LRMDA: variants seen among roughly 807,000 people sequenced by gnomAD.
LRMDA encodes leucine rich melanocyte differentiation associated, also known as leucine-rich melanocyte differentiation-associated protein.
Under a neutral mutation model 29.8 loss-of-function variants are expected in LRMDA, and 18 were observed. That is an observed-to-expected ratio of 0.60 (90% CI 0.42 to 0.90). LRMDA has a LOEUF of 0.90. Among genes scored for constraint, LRMDA ranks in the 40% least tolerant of loss-of-function variants. LRMDA has a pLI of 0.00. For missense variants in LRMDA, 273 were observed against 273.9 expected (o/e 1.00, Z 0.02); for synonymous variants, 125 against 109.4 (o/e 1.14, Z -0.89).
intron 2 of LRMDA, among the ~76,000 whole-genome samples, chr10:75,660,936 G>A (rs971832905): frequency 1.3e-5 from 2 of 152,158 alleles, no homozygotes; most frequent in African/African-American, 4.8e-5. Context: ...GCTCTGTCTT[G>A]AACTCAGAAG....
rs184544198 is a variant in LRMDA, at chr10:75,860,021, A to G, written c.132-175987A>G. Among the ~76,000 whole-genome samples, 1,078 of 152,308 alleles carry G rather than the reference A, an allele frequency of 7.1e-3. 3 individuals carry two copies. Among genetic ancestry groups the G allele is most frequent in the Non-Finnish European group, 0.012 (806 of 68,034 alleles). ...GTCATTTTGCTAAGTATTTTGAAATACTGTTTTTGTTACATATAAAATTTC... is the reference window on the plus strand; with the variant it reads ...GTCATTTTGCTAAGTATTTTGAAATGCTGTTTTTGTTACATATAAAATTTC... On this transcript the variant is annotated intron_variant, in intron 2 of 6. Coordinates refer to ENST00000611255, the MANE Select transcript of LRMDA (RefSeq NM_001305581.2).
chr10:76,476,797 C>T (rs1048904626), intron 6 of LRMDA, among the ~76,000 whole-genome samples: 1 of 151,906 alleles, frequency 6.6e-6, no homozygotes, highest in Non-Finnish European at 1.5e-5. Flanking sequence ...CAAAGACAAA[C>T]ACCACATGAT....
At chr10:75,499,412 G>GGCTTC (rs1845086530) in intron 2 of LRMDA, among the ~76,000 whole-genome samples, 1 of 152,168 alleles carries the variant, frequency 6.6e-6, no homozygotes, top group Admixed American at 6.6e-5. Flanking sequence ...GTGAGGGTCT[G>GGCTTC]GCTTCGTACT....
chr10:76,449,049 GT>G (rs1413059203), intron 6 of LRMDA, among the ~76,000 whole-genome samples: 3 of 151,738 alleles, frequency 2.0e-5, no homozygotes, highest in Non-Finnish European at 4.4e-5. Context: ...TGAGAATACA[GT>G]TTTTTTCTTT....
rs183094694 is a variant in LRMDA, at chr10:76,234,330, C to T, written c.517-90071C>T. 5.1e-4 allele frequency among the ~76,000 whole-genome samples: 78 copies of T among 152,232 alleles called. 2 individuals carry two copies. The highest frequency in any genetic ancestry group is 3.0e-3 in the Admixed American group (46 of 15,288). The stretch of plus-strand genomic sequence containing the variant: ...ATATTTAAGTAAATCATGCTGTGAA[C>T]GGATGTGCTGTCATCCAGGCTTTGT... On this transcript the variant is annotated intron_variant, in intron 5 of 6. Coordinates refer to ENST00000611255, the MANE Select transcript of LRMDA (RefSeq NM_001305581.2).
At chr10:75,713,577 T>A (rs1842463388) in intron 2 of LRMDA, among the ~76,000 whole-genome samples, 1 of 152,228 alleles carries the variant, frequency 6.6e-6, no homozygotes, top group African/African-American at 2.4e-5. Context: ...CAAGAATTGT[T>A]TGAAAAATGA....
At chr10:75,455,920 T>G (rs1391001740) in intron 2 of LRMDA, among the ~76,000 whole-genome samples, 2 of 152,128 alleles carry the variant, frequency 1.3e-5, no homozygotes, top group African/African-American at 2.4e-5. Context: ...GTAGGAATGG[T>G]GAGAACCTGA....
At chr10:75,741,244 A>T (rs1842825541) in intron 2 of LRMDA, among the ~76,000 whole-genome samples, 1 of 152,174 alleles carries the variant, frequency 6.6e-6, no homozygotes, top group South Asian at 2.1e-4. Flanking sequence ...TCATGTCGTT[A>T]GCAGAATGCA....
chr10:76,361,008 C>A (rs1841304152), intron 6 of LRMDA, among the ~76,000 whole-genome samples: 1 of 152,152 alleles, frequency 6.6e-6, no homozygotes, highest in African/African-American at 2.4e-5. Context: ...TGCCTGTAAT[C>A]TGAGCACTTT....
chr10:76,463,705 C>G (rs1842535243), intron 6 of LRMDA, among the ~76,000 whole-genome samples: 1 of 152,134 alleles, frequency 6.6e-6, no homozygotes, highest in South Asian at 2.1e-4. Flanking sequence ...GCTGCAGATT[C>G]ACTCAGTCTC....
chr10:75,544,690 G>A (rs919602446), intron 2 of LRMDA, among the ~76,000 whole-genome samples: 2 of 146,898 alleles, frequency 1.4e-5, no homozygotes, highest in Admixed American at 1.4e-4. Context: ...AAACTTTCTT[G>A]TTTTTTTTTT....
intron 6 of LRMDA, among the ~76,000 whole-genome samples, chr10:76,515,902 C>A (rs144099383): frequency 4.9e-4 from 74 of 152,222 alleles, no homozygotes; most frequent in African/African-American, 1.6e-3. Flanking sequence ...CAGGAGAAAA[C>A]TTAAGAAAAA....
At chr10:75,519,922 T>G (rs935666536) in intron 2 of LRMDA, among the ~76,000 whole-genome samples, 1 of 152,222 alleles carries the variant, frequency 6.6e-6, no homozygotes, top group Non-Finnish European at 1.5e-5. Context: ...GGATTTTATT[T>G]CTCCTTCACT....
In LRMDA at chr10:75,788,317, T is replaced by C. The variant is rs138034380; in HGVS notation, c.132-247691T>C. ...CTGAGGTCAACAGAGACAAGGCTTC[T>C]CCTGTCTTTCTGTATCAACATCTTT... On this transcript the variant is annotated intron_variant, in intron 2 of 6. Coordinates refer to ENST00000611255, the MANE Select transcript of LRMDA (RefSeq NM_001305581.2). 7.4e-3 allele frequency among the ~76,000 whole-genome samples: 1,121 copies of C among 152,364 alleles called. 48 individuals carry two copies. Among genetic ancestry groups the C allele is most frequent in the East Asian group, 0.046 (239 of 5,184 alleles).
intron 5 of LRMDA, among the ~76,000 whole-genome samples, chr10:76,293,158 T>C (rs578213287): frequency 1.3e-5 from 2 of 152,272 alleles, no homozygotes; most frequent in African/African-American, 4.8e-5. Flanking sequence ...TTTTTGTGTT[T>C]TTAGTAAAGT....
rs536639398 is a variant in LRMDA, at chr10:76,124,331, A to G, written c.516+65548A>G. Among the ~76,000 whole-genome samples, 12 of 152,322 alleles carry G rather than the reference A, an allele frequency of 7.9e-5. 1 individual carries two copies. Among genetic ancestry groups the G allele is most frequent in the African/African-American group, 2.9e-4 (12 of 41,566 alleles). The stretch of plus-strand genomic sequence containing the variant: ...CCTTCACTTTGACACCATCTGTGTC[A>G]GTGTTTTGATAACAGTCCTTGCCAA... On this transcript the variant is annotated intron_variant, in intron 5 of 6. Coordinates refer to ENST00000611255, the MANE Select transcript of LRMDA (RefSeq NM_001305581.2).
intron 2 of LRMDA, among the ~76,000 whole-genome samples, chr10:76,025,306 C>G (rs1207917845): frequency 6.8e-6 from 1 of 147,140 alleles, no homozygotes; most frequent in Non-Finnish European, 1.5e-5. Context: ...TGGAGAGACA[C>G]CTGCTCCTTG....
chr10:75,936,393 A>C (rs1162729685), intron 2 of LRMDA, among the ~76,000 whole-genome samples: 1 of 152,166 alleles, frequency 6.6e-6, no homozygotes, highest in Non-Finnish European at 1.5e-5. Flanking sequence ...AAGGTTTCTG[A>C]CATTCTCTTC....
chr10:76,389,706 T>C (rs1404070885), intron 6 of LRMDA, among the ~76,000 whole-genome samples: 1 of 151,302 alleles, frequency 6.6e-6, no homozygotes, highest in African/African-American at 2.5e-5. Context: ...AAGTACCTCA[T>C]ATAAATGAAA....
Sources: allele counts gnomAD v4.1 joint callset (sites outside exome capture counted in the v4.1 genomes callset), GRCh38; gene constraint gnomAD v4.1.1; transcripts MANE v1.5; gene names NCBI Gene and HGNC (gene_info 2026-07-23, HGNC 2026-07-21).